The following RASGEF1A variants were observed in gnomAD, a reference collection of about 807,000 sequenced individuals.
RASGEF1A encodes ras-GEF domain-containing family member 1A.
Under a neutral mutation model 56.4 loss-of-function variants are expected in RASGEF1A, and 18 were observed. The ratio of observed to expected loss-of-function variants is 0.32; its 90% confidence interval spans 0.22 to 0.47. RASGEF1A has a LOEUF of 0.47. Ranked by LOEUF, RASGEF1A falls within the 20% of genes least tolerant of loss-of-function variation. RASGEF1A has a pLI of 1.00. For synonymous variants in RASGEF1A, 245 were observed against 242.6 expected (o/e 1.01, Z -0.09); for missense variants, 422 against 627.1 (o/e 0.67, Z 3.49).
chr10:43,203,894 C>T (rs1839953941), intron 2 of RASGEF1A: 1 of 547,436 alleles, frequency 1.8e-6, no homozygotes, highest in Non-Finnish European at 2.3e-6. Context: ...ATCCATGGGG[C>T]GGGGCCTCAT....
In RASGEF1A at chr10:43,205,875, A is replaced by T. The variant is rs769009429; in HGVS notation, c.198+44T>A. ...CCACACCCGACATCTCCTGGAGCCCAGGTCACCCCATTAGTCTCACTCCAC... is the reference window on the plus strand; with the variant it reads ...CCACACCCGACATCTCCTGGAGCCCTGGTCACCCCATTAGTCTCACTCCAC... On this transcript the variant is annotated intron_variant, in intron 2 of 12. Coordinates refer to ENST00000395810, the MANE Select transcript of RASGEF1A (RefSeq NM_145313.4). 4 of 1,497,062 alleles carry T rather than the reference A, an allele frequency of 2.7e-6. No individual in the cohort carries two copies. The East Asian group carries it at 9.1e-5, about 34-fold the overall frequency. The allele number at this position is 1,497,062 out of a possible 1,614,324, so 92.7% of individuals were successfully genotyped here.
At chr10:43,248,598 G>A (rs1387228965) in intron 1 of RASGEF1A, among the ~76,000 whole-genome samples, 2 of 152,212 alleles carry the variant, frequency 1.3e-5, no homozygotes, top group African/African-American at 4.8e-5. Context: ...TGGTCTCACT[G>A]CAGGCTTAAT....
chr10:43,263,408 C>T (rs541355571), intron 1 of RASGEF1A, among the ~76,000 whole-genome samples: 5 of 152,252 alleles, frequency 3.3e-5, no homozygotes, highest in South Asian at 2.1e-4. Flanking sequence ...CCCGCACAGG[C>T]GACCAGGGTG....
intron 1 of RASGEF1A, among the ~76,000 whole-genome samples, chr10:43,219,522 C>A (rs539789229): frequency 6.6e-6 from 1 of 152,206 alleles, no homozygotes; most frequent in Non-Finnish European, 1.5e-5. Context: ...GTGGCCAGGG[C>A]GCCTGCTGGC....
chr10:43,239,758 AC>A (rs1840479723), intron 1 of RASGEF1A, among the ~76,000 whole-genome samples: 2 of 152,162 alleles, frequency 1.3e-5, no homozygotes, highest in Admixed American at 1.3e-4. Context: ...TCCCATGGAG[AC>A]CCCACTTACA....
chr10:43,241,689 C>G (rs1248519188), intron 1 of RASGEF1A, among the ~76,000 whole-genome samples: 1 of 151,684 alleles, frequency 6.6e-6, no homozygotes, highest in African/African-American at 2.4e-5. Context: ...AAACAAATAG[C>G]AAATCCTACC....
chr10:43,229,182 A>T (rs1840324269), intron 1 of RASGEF1A, among the ~76,000 whole-genome samples: 1 of 152,150 alleles, frequency 6.6e-6, no homozygotes, highest in South Asian at 2.1e-4. Context: ...GGGGCTCACA[A>T]GGCACAGGCA....
In RASGEF1A at chr10:43,199,165, C is replaced by T. The variant is rs769340017; in HGVS notation, c.879G>A (p.Met293Ile). 5.6e-6 allele frequency: 9 copies of T among 1,613,020 alleles called. No homozygotes were observed. In the East Asian group the frequency reaches 2.0e-4, roughly 36 times the overall value. Reference protein sequence around the residue: ...RVVKKKHRTRMLEFFIDVARE... With the variant: ...RVVKKKHRTRILEFFIDVARE... ...GGGCCACATCAATGAAGAACTCCAA[C>T]ATGCGGGTCCGGTGTTTCTTCTTCA... Residue 293 changes from methionine (M) to isoleucine (I), a missense_variant, in exon 8 of 13, where the codon ATG (methionine) becomes ATA (isoleucine). Met to Ile is a conservative substitution (Grantham distance 10). This residue lies in a region of RASGEF1A where 149 missense variants were observed against 287.2 expected (regional missense o/e 0.52). Transcript: ENST00000395810.
chr10:43,207,156 GC>G (rs757583292), intron 1 of RASGEF1A: 22 of 985,360 alleles, frequency 2.2e-5, no homozygotes, highest in Non-Finnish European at 2.7e-5. Flanking sequence ...CTGTGGCCTT[GC>G]CTGCACACAG....
intron 1 of RASGEF1A, among the ~76,000 whole-genome samples, chr10:43,246,772 C>T (rs1347960056): frequency 6.6e-6 from 1 of 152,122 alleles, no homozygotes; most frequent in Non-Finnish European, 1.5e-5. Flanking sequence ...AAATGAATTC[C>T]AATGGATCAA....
intron 1 of RASGEF1A, among the ~76,000 whole-genome samples, chr10:43,213,620 A>G (rs1840096371): frequency 6.6e-6 from 1 of 152,076 alleles, no homozygotes; most frequent in Non-Finnish European, 1.5e-5. Flanking sequence ...AGGACGTTGG[A>G]GAGTTTTTTA....
chr10:43,228,782 C>T (rs1402408583), intron 1 of RASGEF1A, among the ~76,000 whole-genome samples: 1 of 152,216 alleles, frequency 6.6e-6, no homozygotes, highest in Non-Finnish European at 1.5e-5. Flanking sequence ...GTGTGGGCAC[C>T]GTGAGGACAA....
rs763310588 is a variant in RASGEF1A at position 43,201,827 on chromosome 10, C to G, written c.440G>C (p.Arg147Pro). 6.2e-7 allele frequency: 1 copy of G among 1,607,706 alleles called. No individual in the cohort carries two copies. Among genetic ancestry groups the G allele is most frequent in the African/African-American group, 1.3e-5 (1 of 74,860 alleles). Residue 147 changes from arginine to proline, a missense_variant, in exon 4 of 13, where the codon CGT becomes CCT. Transcript: ENST00000395810. ...ACTCACCTCATCACACTGGGTGACA[C>G]GGTGTGTGATGGCTTTCAGCTCGGC... ...AMAELKAITH[R>P]VTQCDEENGT...
chr10:43,229,540 A>T, intron 1 of RASGEF1A: 1 of 1,077,344 alleles, frequency 9.3e-7, no homozygotes, highest in Non-Finnish European at 1.3e-6. Context: ...ACCCTCCCGC[A>T]CGGGTCGGGA....
chr10:43,201,839 G>A lies in RASGEF1A; in HGVS notation c.428C>T (p.Ala143Val), dbSNP rs1292566397. 2 of 1,610,192 alleles carry A rather than the reference G, an allele frequency of 1.2e-6. No individual in the cohort carries two copies. The highest frequency in any genetic ancestry group is 8.5e-7 in the Non-Finnish European group (1 of 1,177,828). Reference sequence around the variant, plus strand: ...ACACTGGGTGACACGGTGTGTGATGGCTTTCAGCTCGGCCATGGCCTTCTC... The same window carrying A: ...ACACTGGGTGACACGGTGTGTGATGACTTTCAGCTCGGCCATGGCCTTCTC... Reference protein sequence around the residue: ...QDEKAMAELKAITHRVTQCDE... With the variant: ...QDEKAMAELKVITHRVTQCDE... The change falls in exon 4 of 13, where the codon GCC becomes GTC. Residue 143 changes from alanine to valine, a missense_variant. By Grantham distance (64) the Ala-to-Val change is moderately conservative (BLOSUM62 0). Around this residue, in one of 2 missense-constraint regions of RASGEF1A, gnomAD observed 273 missense variants for 339.9 expected, o/e 0.80. Transcript: ENST00000395810.
chr10:43,208,045 G>A (rs753984146), intron 1 of RASGEF1A: 1 of 985,190 alleles, frequency 1.0e-6, no homozygotes, highest in African/African-American at 1.7e-5. Flanking sequence ...GACCATTTGT[G>A]CAATGAAGTC....
intron 1 of RASGEF1A, among the ~76,000 whole-genome samples, chr10:43,247,266 G>A (rs1001860670): frequency 1.3e-5 from 2 of 152,246 alleles, no homozygotes; most frequent in Admixed American, 1.3e-4. Context: ...AATAACAAGT[G>A]TTACTGAGGA....
chr10:43,229,638 TG>T (rs1283116738), intron 1 of RASGEF1A: 1 of 1,494,398 alleles, frequency 6.7e-7, no homozygotes, highest in Non-Finnish European at 8.9e-7. Context: ...CAGCCCTACC[TG>T]GGGCTCCAGG....
chr10:43,197,136 C>A, intron 10 of RASGEF1A, 37 bp from the exon 11 acceptor site: 1 of 1,607,698 alleles, frequency 6.2e-7, no homozygotes, highest in Non-Finnish European at 8.5e-7. Context: ...TCATCTGTCA[C>A]CTTAAGCACC....
Sources: allele counts gnomAD v4.1 joint callset (sites outside exome capture counted in the v4.1 genomes callset), GRCh38; gene constraint gnomAD v4.1.1; regional missense constraint gnomAD v4.1.1; transcripts MANE v1.5; gene names NCBI Gene and HGNC (gene_info 2026-07-23, HGNC 2026-07-21).